SETBP1: variants seen among roughly 807,000 people sequenced by gnomAD.
The protein encoded by SETBP1 is SET-binding protein.
In SETBP1, 9 loss-of-function variants were observed where a neutral mutation model predicts 101.0. The ratio of observed to expected loss-of-function variants is 0.09; its 90% CI spans 0.05 to 0.16. The LOEUF (loss-of-function observed/expected upper bound fraction) is 0.16, where lower values mean the gene tolerates loss of function less well. Ranked by LOEUF, SETBP1 falls within the 10% of genes least tolerant of loss-of-function variation. The probability of loss-of-function intolerance (pLI) is 1.00; values close to 1 mark genes in which losing one functional copy is unlikely to be tolerated. For synonymous variants in SETBP1, 818 were observed against 788.5 expected, an observed-to-expected ratio of 1.04 and a Z score of -0.63; for missense variants, 1,858 against 2,033.8, an observed-to-expected ratio of 0.91 and a Z score of 1.66.
At chr18:44,868,711 G>GAA (rs1568190548) in intron 2 of SETBP1, among the ~76,000 whole-genome samples, 116 of 6,682 alleles carry the variant, frequency 0.017, 13 homozygotes, top group African/African-American at 0.066. Flanking sequence ...CGGAAGGAAG[G>GAA]GAGGAAGGAA....
At chr18:44,993,486 AT>A (rs1375074755) in intron 4 of SETBP1, among the ~76,000 whole-genome samples, 5 of 152,050 alleles carry the variant, frequency 3.3e-5, no homozygotes, top group African/African-American at 1.2e-4. Context: ...CTTTTGATAT[AT>A]TTTTCTACTT....
chr18:44,939,806 T>C (rs2071046564), intron 3 of SETBP1, among the ~76,000 whole-genome samples: 1 of 152,262 alleles, frequency 6.6e-6, no homozygotes, highest in Non-Finnish European at 1.5e-5. Context: ...TGATGGCAGA[T>C]AATGTTTGAA....
intron 3 of SETBP1, chr18:44,871,527 G>A (rs1355693414): frequency 6.6e-6 from 1 of 152,132 alleles, no homozygotes; most frequent in African/African-American, 2.4e-5. Context: ...TGAATGTAGA[G>A]GTTTTCTGTT....
In SETBP1 at chr18:45,063,101, G is replaced by A. The variant is rs765472462; in HGVS notation, c.4194G>A (p.Arg1398=). 18 of 1,613,850 alleles carry A rather than the reference G, an allele frequency of 1.1e-5. No individual in the cohort carries two copies. Among genetic ancestry groups the A allele is most frequent in the Admixed American group, 1.0e-4 (6 of 59,990 alleles). ...CAGTCGGCTCCTCCCTGAAGAAGAGGTTCAAGCGGCGGGAGATCGAAGCCA... is the reference window on the plus strand; with the variant it reads ...CAGTCGGCTCCTCCCTGAAGAAGAGATTCAAGCGGCGGGAGATCGAAGCCA... ...SDAVGSSLKK[R]FKRREIEAIQ... is the part of the protein sequence containing the mutation. Residue 1398 remains arginine (R), a synonymous_variant, in exon 6 of 6, where the codon AGG becomes AGA. Transcript: ENST00000649279.
At chr18:44,944,233 A>G (rs1036848299) in intron 3 of SETBP1, among the ~76,000 whole-genome samples, 9 of 152,196 alleles carry the variant, frequency 5.9e-5, no homozygotes, top group Non-Finnish European at 1.3e-4. Context: ...GTTTCATACT[A>G]TGTAAATTAC....
chr18:44,868,321 G>C (rs1049137371), intron 2 of SETBP1, among the ~76,000 whole-genome samples: 4 of 151,806 alleles, frequency 2.6e-5, no homozygotes, highest in African/African-American at 9.7e-5. Flanking sequence ...ATATGAAAAA[G>C]GGAAACTGAG....
intron 5 of SETBP1, among the ~76,000 whole-genome samples, chr18:45,050,709 G>A (rs535148659): frequency 3.3e-5 from 5 of 152,270 alleles, no homozygotes; most frequent in South Asian, 2.1e-4. Flanking sequence ...CTGTGTGGCC[G>A]GGATCCAGGG....
At chr18:44,763,893 C>T (rs535128085) in intron 2 of SETBP1, among the ~76,000 whole-genome samples, 21 of 152,208 alleles carry the variant, frequency 1.4e-4, no homozygotes, top group Non-Finnish European at 1.6e-4. Context: ...TGGAGTGCCT[C>T]AGGGCTCAGT....
chr18:44,857,777 G>C (rs1313578617), intron 2 of SETBP1, among the ~76,000 whole-genome samples: 1 of 152,180 alleles, frequency 6.6e-6, no homozygotes, highest in Non-Finnish European at 1.5e-5. Context: ...ATACGTGTGA[G>C]TTCAGGGAGA....
At chr18:45,012,097 T>C (rs1171550393) in intron 4 of SETBP1, among the ~76,000 whole-genome samples, 1 of 152,200 alleles carries the variant, frequency 6.6e-6, no homozygotes, top group African/African-American at 2.4e-5. Flanking sequence ...CCTGGTGTGA[T>C]ACAATGCAGT....
chr18:44,692,639 A>G (rs1302258671), intron 1 of SETBP1, among the ~76,000 whole-genome samples: 1 of 152,180 alleles, frequency 6.6e-6, no homozygotes, highest in East Asian at 1.9e-4. Flanking sequence ...TGAGAGCAGA[A>G]TGACCAGGGA....
rs2073973238 is a variant in SETBP1, at chr18:45,066,800, C to G, written c.*3102C>G. 6.6e-6 allele frequency: 1 copy of G among 151,954 alleles called. No homozygotes were observed. Among genetic ancestry groups the G allele is most frequent in the African/African-American group, 2.4e-5 (1 of 41,354 alleles). 9.4% of individuals were successfully genotyped at this position (151,954 alleles called of 1,614,324 possible). A position where few individuals can be genotyped will look rare whatever the true frequency, so the allele number is the denominator to read the frequency against. On this transcript the variant is annotated 3_prime_UTR_variant, in exon 6 of 6. Transcript: ENST00000649279. ...TTTCTTTTGTTTTCTGGATTACCTGCCTTCAGTAAGCAGATGCAGACCCAC... is the reference window on the plus strand; with the variant it reads ...TTTCTTTTGTTTTCTGGATTACCTGGCTTCAGTAAGCAGATGCAGACCCAC...
chr18:44,909,976 T>G (rs1042585885), intron 3 of SETBP1, among the ~76,000 whole-genome samples: 1 of 152,222 alleles, frequency 6.6e-6, no homozygotes, highest in Admixed American at 6.5e-5. Flanking sequence ...GGAAGCACCT[T>G]CCAAGATTCC....
At chr18:44,868,880 A>G (rs1222376062) in intron 2 of SETBP1, among the ~76,000 whole-genome samples, 2 of 152,146 alleles carry the variant, frequency 1.3e-5, no homozygotes, top group African/African-American at 2.4e-5. Context: ...CTAAGGAAAT[A>G]TATACATCTA....
At chr18:44,996,326 A>G (rs912110505) in intron 4 of SETBP1, among the ~76,000 whole-genome samples, 2 of 152,222 alleles carry the variant, frequency 1.3e-5, no homozygotes, top group Non-Finnish European at 2.9e-5. Flanking sequence ...TTGTCAATAC[A>G]GCAAGGCTCT....
At chr18:44,714,463 A>G (rs2069416738) in intron 2 of SETBP1, among the ~76,000 whole-genome samples, 1 of 151,982 alleles carries the variant, frequency 6.6e-6, no homozygotes, top group African/African-American at 2.4e-5. Flanking sequence ...TGGCCTCCCA[A>G]AGTTCTGGGA....
At chr18:44,750,515 G>T (rs572268954) in intron 2 of SETBP1, among the ~76,000 whole-genome samples, 1 of 152,140 alleles carries the variant, frequency 6.6e-6, no homozygotes, top group Non-Finnish European at 1.5e-5. Flanking sequence ...ACATCTGTCC[G>T]TAACAATTGG....
intron 2 of SETBP1, among the ~76,000 whole-genome samples, chr18:44,820,323 C>T (rs1427956162): frequency 2.0e-5 from 3 of 152,188 alleles, no homozygotes; most frequent in Non-Finnish European, 4.4e-5. Context: ...GGGGAGGACA[C>T]CAGAATGGAG....
At chr18:44,775,965 C>T (rs571011089) in intron 2 of SETBP1, among the ~76,000 whole-genome samples, 86 of 150,994 alleles carry the variant, frequency 5.7e-4, no homozygotes, top group African/African-American at 2.0e-3. Context: ...TGGCCCTATC[C>T]TGTCTCTATC....
Sources: allele counts gnomAD v4.1 joint callset (sites outside exome capture counted in the v4.1 genomes callset), GRCh38; gene constraint gnomAD v4.1.1; transcripts MANE v1.5; gene names NCBI Gene and HGNC (gene_info 2026-07-23, HGNC 2026-07-21).